ITIH5: variants seen among roughly 807,000 people sequenced by gnomAD.
ITIH5 encodes the protein inter-alpha-trypsin inhibitor heavy chain H5.
In ITIH5, 65 loss-of-function variants were observed where a neutral mutation model predicts 77.5. The observed-to-expected ratio is 0.84, with a 90% CI of 0.69 to 1.03. The LOEUF (loss-of-function observed/expected upper bound fraction) is 1.03, where lower values mean the gene tolerates loss of function less well. ITIH5 is among the 50% of genes least tolerant of loss of function. The pLI is 0.00. For synonymous variants in ITIH5, 525 were observed against 494.3 expected (o/e 1.06, Z -0.82); for missense variants, 1,208 against 1,213.1 (o/e 1.00, Z 0.06).
At chr10:7,578,385 A>G (rs1288520161) in intron 9 of ITIH5, 1 of 167,410 alleles carries the variant, frequency 6.0e-6, no homozygotes, top group Non-Finnish European at 1.5e-5. Context: ...GGTATCGATC[A>G]TAGTTTCAGT....
At chr10:7,566,844 GGAA>G (rs576015885) in intron 12 of ITIH5, among the ~76,000 whole-genome samples, 393 of 17,708 alleles carry the variant, frequency 0.022, 19 homozygotes, top group Middle Eastern at 0.038. Context: ...AAGAGGAAGA[GGAA>G]GAAGAAGAAG....
At chr10:7,596,401 G>A (rs974836926) in intron 7 of ITIH5, among the ~76,000 whole-genome samples, 6 of 152,146 alleles carry the variant, frequency 3.9e-5, no homozygotes, top group East Asian at 1.9e-4. Flanking sequence ...AGCCAGCTGC[G>A]GCCCACGGCT....
chr10:7,635,268 A>C (rs1833780888), intron 5 of ITIH5, among the ~76,000 whole-genome samples: 1 of 152,240 alleles, frequency 6.6e-6, no homozygotes, highest in African/African-American at 2.4e-5. Flanking sequence ...GAAAACTAGT[A>C]ATAATTTTTA....
chr10:7,615,537 C>A (rs965960087), intron 7 of ITIH5, among the ~76,000 whole-genome samples: 1 of 152,130 alleles, frequency 6.6e-6, no homozygotes, highest in Non-Finnish European at 1.5e-5. Flanking sequence ...TCCCCACCAC[C>A]CTGGAATTTT....
intron 7 of ITIH5, among the ~76,000 whole-genome samples, chr10:7,603,652 T>C (rs948072638): frequency 1.3e-5 from 2 of 152,258 alleles, no homozygotes; most frequent in Non-Finnish European, 1.5e-5. Context: ...GGCGCGATCT[T>C]GGCTCACTGC....
chr10:7,569,052 T>C (rs1832245803), intron 12 of ITIH5: 1 of 146,534 alleles, frequency 6.8e-6, no homozygotes, highest in Non-Finnish European at 1.5e-5. Flanking sequence ...GTCTTGCTCT[T>C]TTCACCCAGG....
chr10:7,595,408 C>T (rs1035127566), intron 7 of ITIH5, among the ~76,000 whole-genome samples: 4 of 152,068 alleles, frequency 2.6e-5, no homozygotes, highest in Admixed American at 6.6e-5. Flanking sequence ...ACACAAGATT[C>T]CTTCTAACCC....
At chr10:7,603,574 C>T (rs79271427) in intron 7 of ITIH5, among the ~76,000 whole-genome samples, 2,474 of 152,128 alleles carry the variant, frequency 0.016, 24 homozygotes, top group South Asian at 0.034. Flanking sequence ...AACGCTGATA[C>T]GGTTTTGTTT....
chr10:7,573,064 C>G lies in ITIH5; in HGVS notation c.2032+78G>C. The stretch of plus-strand genomic sequence containing the variant: ...AAGTGCTGGGATTACAGGCGTGAGC[C>G]AGTACACCTGGCCTGGTTTTACACT... On this transcript the variant is annotated intron_variant, in intron 11 of 13. Coordinates refer to ENST00000397146, the MANE Select transcript of ITIH5 (RefSeq NM_030569.7). 2.2e-6 allele frequency: 3 copies of G among 1,365,284 alleles called. No individual in the cohort carries two copies. In the Admixed American group the frequency reaches 5.1e-5, roughly 23 times the overall value. 84.6% of individuals were successfully genotyped at this position (1,365,284 alleles called of 1,614,324 possible).
chr10:7,612,220 A>G (rs1833260778), intron 7 of ITIH5, among the ~76,000 whole-genome samples: 2 of 152,172 alleles, frequency 1.3e-5, no homozygotes, highest in South Asian at 2.1e-4. Context: ...AAAGTCTCTA[A>G]TGGGTGGTAG....
At chr10:7,663,198 A>C (rs922334599) in intron 1 of ITIH5, among the ~76,000 whole-genome samples, 3 of 152,240 alleles carry the variant, frequency 2.0e-5, no homozygotes, top group African/African-American at 7.2e-5. Context: ...GGCTTTGCAC[A>C]TAGTAGGTTG....
At chr10:7,665,629 T>C (rs1423243640) in intron 1 of ITIH5, among the ~76,000 whole-genome samples, 3 of 152,236 alleles carry the variant, frequency 2.0e-5, no homozygotes, top group Non-Finnish European at 4.4e-5. Context: ...GCGTCCACTG[T>C]ATACCAGGTG....
intron 2 of ITIH5, among the ~76,000 whole-genome samples, chr10:7,644,792 T>C (rs868277634): frequency 9.9e-5 from 11 of 110,974 alleles, no homozygotes; most frequent in Non-Finnish European, 1.5e-4. Flanking sequence ...ATATATATCA[T>C]ATATATCATA....
intron 2 of ITIH5, among the ~76,000 whole-genome samples, chr10:7,648,594 C>G (rs1194089250): frequency 6.6e-6 from 1 of 152,230 alleles, no homozygotes; most frequent in East Asian, 1.9e-4. Flanking sequence ...ACAGCTGTAG[C>G]TGCACACTGT....
intron 6 of ITIH5, among the ~76,000 whole-genome samples, 155 bp downstream of exon 6, chr10:7,616,958 T>C (rs994399950): frequency 1.3e-5 from 2 of 152,182 alleles, no homozygotes; most frequent in African/African-American, 4.8e-5. Context: ...AGCAAAAAAA[T>C]ACCGCTAGTC....
intron 5 of ITIH5, among the ~76,000 whole-genome samples, chr10:7,631,080 C>G (rs1274237371): frequency 6.6e-6 from 1 of 151,624 alleles, no homozygotes; most frequent in East Asian, 1.9e-4. Flanking sequence ...GTGGCGGGAA[C>G]TACAGCGGAA....
intron 8 of ITIH5, among the ~76,000 whole-genome samples, chr10:7,584,779 A>G (rs1289798269): frequency 1.3e-5 from 2 of 152,220 alleles, no homozygotes; most frequent in Non-Finnish European, 2.9e-5. Context: ...ACATGAAGAG[A>G]AATCTGTTCC....
intron 7 of ITIH5, among the ~76,000 whole-genome samples, chr10:7,591,724 C>A (rs1361723459): frequency 1.3e-5 from 2 of 152,102 alleles, no homozygotes; most frequent in Non-Finnish European, 2.9e-5. Context: ...CCAGCCCTGC[C>A]CACCATTCCC....
chr10:7,635,315 G>A (rs1186997319), intron 5 of ITIH5, among the ~76,000 whole-genome samples: 1 of 152,140 alleles, frequency 6.6e-6, no homozygotes, highest in Admixed American at 6.5e-5. Flanking sequence ...ACATACATGA[G>A]CACTTCACAA....
Sources: gnomAD v4.1 joint callset for allele counts (sites outside exome capture counted in the v4.1 genomes callset) on GRCh38, gnomAD v4.1.1 for gene constraint, MANE v1.5 for transcripts, NCBI Gene and HGNC (gene_info 2026-07-23, HGNC 2026-07-21) for gene names.